KAT6B: variants seen among roughly 807,000 people sequenced by gnomAD.
The protein encoded by KAT6B is histone acetyltransferase KAT6B.
KAT6B carries 10 observed loss-of-function variants against 187.5 expected under a neutral mutation model. The observed-to-expected ratio is 0.05, with a 90% CI of 0.03 to 0.09. The LOEUF is 0.09. KAT6B is among the 10% of genes least tolerant of loss of function. The pLI, the probability that KAT6B is intolerant of heterozygous loss-of-function variation, is 1.00. For missense variants in KAT6B, 1,952 were observed against 2,558.9 expected (o/e 0.76, Z 5.12); for synonymous variants, 861 against 926.8 (o/e 0.93, Z 1.29).
At chr10:75,023,098 T>C (rs1845562434) in intron 16 of KAT6B, among the ~76,000 whole-genome samples, 1 of 152,252 alleles carries the variant, frequency 6.6e-6, no homozygotes, top group Non-Finnish European at 1.5e-5. Context: ...CCCAGTGATG[T>C]CTCTAGATAG....
chr10:74,838,413 C>G (rs1841476893), intron 1 of KAT6B, among the ~76,000 whole-genome samples: 1 of 152,142 alleles, frequency 6.6e-6, no homozygotes, highest in African/African-American at 2.4e-5. Context: ...CTATCACAAA[C>G]CTGATTTTTA....
At position 75,028,731 on chromosome 10, in the gene KAT6B, A is replaced by G. The variant is rs1057520090; in HGVS notation, c.3907A>G (p.Ser1303Gly). The change falls in exon 18 of 18, where the codon AGT becomes GGT. Residue 1303 changes from serine to glycine, a missense_variant. Coordinates refer to ENST00000287239, the MANE Select transcript of KAT6B (RefSeq NM_012330.4). The stretch of plus-strand genomic sequence containing the variant: ...GACTTCAGAAGGAAAAACCAGCCCC[A>G]GTCCCATCAGGATTGAGGAGGAGGT... ...KETSEGKTSP[S>G]PIRIEEEVKE... 1 of 1,614,072 alleles carries G rather than the reference A, an allele frequency of 6.2e-7. No homozygotes were observed. The highest frequency in any genetic ancestry group is 8.5e-7 in the Non-Finnish European group (1 of 1,180,030).
At chr10:75,015,343 A>G (rs902996006) in intron 13 of KAT6B, among the ~76,000 whole-genome samples, 33 of 152,220 alleles carry the variant, frequency 2.2e-4, no homozygotes, top group South Asian at 1.2e-3. Flanking sequence ...GCAGTAAGAT[A>G]TCAGGCAGGT....
chr10:74,914,803 C>T (rs2132970905), intron 3 of KAT6B, among the ~76,000 whole-genome samples: 1 of 152,188 alleles, frequency 6.6e-6, no homozygotes, highest in African/African-American at 2.4e-5. Context: ...AAAATCCCAG[C>T]TTTTTGGCTG....
intron 12 of KAT6B, among the ~76,000 whole-genome samples, chr10:74,988,151 AT>A (rs1447153797): frequency 1.3e-5 from 2 of 152,148 alleles, no homozygotes; most frequent in East Asian, 1.9e-4. Context: ...GGTCTGTACC[AT>A]TTGTGGTCAG....
chr10:74,969,923 C>T (rs1398478179), intron 5 of KAT6B, 97 bp from the exon 6 acceptor site: 23 of 1,040,050 alleles, frequency 2.2e-5, no homozygotes, highest in Non-Finnish European at 3.4e-5. Context: ...GGTGCACTTT[C>T]CTTATATTGT....
intron 13 of KAT6B, among the ~76,000 whole-genome samples, chr10:75,008,670 A>C (rs569136103): frequency 6.6e-6 from 1 of 152,314 alleles, no homozygotes; most frequent in South Asian, 2.1e-4. Context: ...CCAGTTAAAA[A>C]CTTGTAGAAC....
chr10:74,890,839 A>C (rs1373086825), intron 3 of KAT6B, among the ~76,000 whole-genome samples: 1 of 152,166 alleles, frequency 6.6e-6, no homozygotes, highest in Non-Finnish European at 1.5e-5. Flanking sequence ...TATATGTTCA[A>C]ATCTTGAGTT....
rs528049247 is a variant in KAT6B, at chr10:74,995,324, A to G, written c.2629+6212A>G. 6.1e-4 allele frequency among the ~76,000 whole-genome samples: 93 copies of G among 152,322 alleles called. 1 individual carries two copies. The South Asian group carries it at 9.1e-3, about 15-fold the overall frequency. ...TTACTGTAGTATTCATTGGAATACA[A>G]TTAGGCTTATTTGTTTCTGTTTGTT... On this transcript the variant is annotated intron_variant, in intron 13 of 17. Transcript: ENST00000287239.
At chr10:75,015,218 T>C (rs1464432578) in intron 13 of KAT6B, among the ~76,000 whole-genome samples, 1 of 152,224 alleles carries the variant, frequency 6.6e-6, no homozygotes, top group Non-Finnish European at 1.5e-5. Context: ...ATAGGACTTA[T>C]GGGAGAGAGG....
At chr10:74,882,694 A>C (rs1348852178) in intron 3 of KAT6B, among the ~76,000 whole-genome samples, 1 of 152,206 alleles carries the variant, frequency 6.6e-6, no homozygotes, top group South Asian at 2.1e-4. Flanking sequence ...ACATTTTGTG[A>C]GATTGCTTAC....
In KAT6B at chr10:74,830,914, A is replaced by G. The variant is rs866547935; in HGVS notation, c.-329+4129A>G. Reference sequence around the variant, plus strand: ...GCGATTCTCCTGCCTCAGCCTCCTGAGTAGCTGGGATTACAGGTGCCCACT... The same window carrying G: ...GCGATTCTCCTGCCTCAGCCTCCTGGGTAGCTGGGATTACAGGTGCCCACT... On this transcript the variant is annotated intron_variant, in intron 1 of 17. Coordinates refer to ENST00000287239, the MANE Select transcript of KAT6B (RefSeq NM_012330.4). Among the ~76,000 whole-genome samples the G allele has an allele frequency of 2.0e-5, 3 of 147,338 alleles. No homozygotes were observed. In the South Asian group the frequency reaches 6.4e-4, roughly 31 times the overall value.
At chr10:74,928,550 A>G (rs1304648336) in intron 3 of KAT6B, among the ~76,000 whole-genome samples, 1 of 152,188 alleles carries the variant, frequency 6.6e-6, no homozygotes. Flanking sequence ...AATATTTTCT[A>G]TTTCATCAGG....
Position 75,030,275 on chromosome 10 carries a change from T to G in KAT6B, c.5451T>G (p.Leu1817=). 1.9e-6 allele frequency: 3 copies of G among 1,614,242 alleles called. No homozygotes were observed. The highest frequency in any genetic ancestry group is 1.7e-6 in the Non-Finnish European group (2 of 1,180,028). Residue 1817 remains leucine (L), a synonymous_variant, in exon 18 of 18, where the codon CTT becomes CTG. Coordinates refer to ENST00000287239, the MANE Select transcript of KAT6B (RefSeq NM_012330.4). This position sits in a 1 kb window ranked among gnomAD's most constrained non-coding sequence, Gnocchi z 4.8. ...HYPQPSATFS[L]AKLQQLTNTL... ...CGCAGCCGTCAGCCACCTTCAGCCT[T>G]GCCAAACTGCAGCAGTTAACTAATA...
At chr10:74,906,407 C>CT (rs1320892800) in intron 3 of KAT6B, among the ~76,000 whole-genome samples, 5 of 151,820 alleles carry the variant, frequency 3.3e-5, no homozygotes, top group East Asian at 3.9e-4. Context: ...AAAAAAAAAT[C>CT]TTTTTTTTCC....
rs1229428915 is a variant in KAT6B, at chr10:74,877,122, C to T, written c.621+33644C>T. On this transcript the variant is annotated intron_variant, in intron 3 of 17. Transcript: ENST00000287239. ...CTGGGATTACAGGCATGCGCCACCA[C>T]GCCTGGCTAATTTTTGTATTTTTAG... 7.2e-5 allele frequency among the ~76,000 whole-genome samples: 11 copies of T among 151,926 alleles called. No individual in the cohort carries two copies. In the East Asian group the frequency reaches 1.8e-3, roughly 24 times the overall value.
At chr10:74,845,437 C>G (rs1363879456) in intron 3 of KAT6B, among the ~76,000 whole-genome samples, 1 of 149,958 alleles carries the variant, frequency 6.7e-6, no homozygotes, top group African/African-American at 2.5e-5. Context: ...CAGGAGAATC[C>G]CTTAAACCCG....
chr10:75,020,153 G>A (rs1452321197), intron 13 of KAT6B, among the ~76,000 whole-genome samples: 1 of 152,146 alleles, frequency 6.6e-6, no homozygotes, highest in Non-Finnish European at 1.5e-5. Flanking sequence ...GGGTCATTAG[G>A]TCCTTCCTGT....
At chr10:74,930,590 A>G (rs1451688025) in intron 3 of KAT6B, among the ~76,000 whole-genome samples, 1 of 152,226 alleles carries the variant, frequency 6.6e-6, no homozygotes, top group African/African-American at 2.4e-5. Context: ...ATTTGATGTG[A>G]CAGGAATTGA....
Sources: gnomAD v4.1 joint callset for allele counts (sites outside exome capture counted in the v4.1 genomes callset) on GRCh38, gnomAD v4.1.1 for gene constraint, Gnocchi (gnomAD v3.1) non-coding constraint, MANE v1.5 for transcripts, NCBI Gene and HGNC (gene_info 2026-07-23, HGNC 2026-07-21) for gene names.